The following ESR1 variants were observed in gnomAD, a reference collection of about 807,000 sequenced individuals.
The protein encoded by ESR1 is estrogen receptor.
ESR1 carries 12 observed loss-of-function variants against 52.7 expected under a neutral mutation model. That is an observed-to-expected ratio of 0.23 (90% CI 0.15 to 0.37). The LOEUF (loss-of-function observed/expected upper bound fraction) is 0.37. Among genes scored for constraint, ESR1 ranks in the 10% least tolerant of loss-of-function variants. The pLI is 1.00. For synonymous variants in ESR1, 305 were observed against 316.8 expected (o/e 0.96, Z 0.39); for missense variants, 584 against 779.7 (o/e 0.75, Z 2.99).
At chr6:151,905,677 G>A (rs9340876) in intron 3 of ESR1, among the ~76,000 whole-genome samples, 7 of 152,094 alleles carry the variant, frequency 4.6e-5, no homozygotes, top group African/African-American at 1.4e-4. Context: ...ATGTTCAGCT[G>A]CTCTTAGAGT....
chr6:151,962,469 G>A (rs1239270784), intron 4 of ESR1, among the ~76,000 whole-genome samples: 1 of 152,130 alleles, frequency 6.6e-6, no homozygotes, highest in Non-Finnish European at 1.5e-5. Flanking sequence ...CGGATGTAGT[G>A]TTGGGCCCCT....
chr6:152,056,291 G>A (rs945845517), intron 5 of ESR1, among the ~76,000 whole-genome samples: 2 of 152,082 alleles, frequency 1.3e-5, no homozygotes, highest in Non-Finnish European at 2.9e-5. Flanking sequence ...ATCTAATCTT[G>A]CCACTATTGA....
intron 1 of ESR1, among the ~76,000 whole-genome samples, chr6:151,816,344 G>A (rs1406188603): frequency 1.3e-5 from 2 of 152,136 alleles, no homozygotes; most frequent in Non-Finnish European, 2.9e-5. Context: ...TTCTATTCTG[G>A]CGTGACTCCT....
At chr6:151,902,098 A>G (rs946005763) in intron 3 of ESR1, among the ~76,000 whole-genome samples, 1 of 152,214 alleles carries the variant, frequency 6.6e-6, no homozygotes, top group African/African-American at 2.4e-5. Flanking sequence ...ACCTTTACTG[A>G]GCATTTACTA....
chr6:151,788,081 A>G (rs1408465209), intron 2 of ESR1, among the ~76,000 whole-genome samples: 1 of 152,226 alleles, frequency 6.6e-6, no homozygotes, highest in African/African-American at 2.4e-5. Context: ...TGACAAAAGC[A>G]ATTGCAACAA....
At chr6:151,683,864 A>ATTTTT (rs66983259) in intron 1 of ESR1, among the ~76,000 whole-genome samples, 14 of 118,436 alleles carry the variant, frequency 1.2e-4, no homozygotes, top group African/African-American at 3.9e-4. Flanking sequence ...ACGTCTGGCT[A>ATTTTT]TTTTTTTTTT....
chr6:151,863,524 C>G (rs192565204), intron 2 of ESR1, among the ~76,000 whole-genome samples: 13 of 152,278 alleles, frequency 8.5e-5, no homozygotes, highest in South Asian at 8.3e-4. Flanking sequence ...AGTTGCTTAT[C>G]AGCTTAAGGA....
At chr6:151,661,408 G>A (rs570476972) in intron 1 of ESR1, among the ~76,000 whole-genome samples, 2 of 152,328 alleles carry the variant, frequency 1.3e-5, no homozygotes, top group Middle Eastern at 3.4e-3. Context: ...CTCCTGGTGA[G>A]GGGTGGCTTC....
At chr6:151,978,519 C>T (rs1370286958) in intron 4 of ESR1, among the ~76,000 whole-genome samples, 1 of 152,064 alleles carries the variant, frequency 6.6e-6, no homozygotes, top group Non-Finnish European at 1.5e-5. Context: ...GATTCAGAAA[C>T]CTACAATTTG....
chr6:152,043,470 G>C (rs1450499491), intron 5 of ESR1, among the ~76,000 whole-genome samples: 1 of 152,160 alleles, frequency 6.6e-6, no homozygotes, highest in African/African-American at 2.4e-5. Context: ...GCACCTCCTT[G>C]TGGGTCACAT....
At chr6:151,656,675 C>A (rs1301606345), upstream of ESR1, 1 of 152,170 alleles carries the variant, frequency 6.6e-6, no homozygotes, top group Non-Finnish European at 1.5e-5. Context: ...TCCAAGCAGT[C>A]AGAGAAATAA....
intron 3 of ESR1, among the ~76,000 whole-genome samples, chr6:151,890,536 T>C (rs1011402777): frequency 3.1e-4 from 47 of 152,240 alleles, no homozygotes; most frequent in African/African-American, 1.1e-3. Context: ...TGAACTTTCA[T>C]TATTGATTTT....
intron 4 of ESR1, 102 bp downstream of exon 4, chr6:151,944,610 A>G: frequency 9.6e-7 from 1 of 1,046,634 alleles, no homozygotes; most frequent in Non-Finnish European, 1.5e-6. Flanking sequence ...ATAACATGTT[A>G]TGTAATTGGT....
At chr6:152,125,053 C>T (rs2052880659) in intron 6 of ESR1, among the ~76,000 whole-genome samples, 1 of 152,194 alleles carries the variant, frequency 6.6e-6, no homozygotes, top group African/African-American at 2.4e-5. Flanking sequence ...CAGCCAGTGG[C>T]AGAAGATTTC....
intron 2 of ESR1, among the ~76,000 whole-genome samples, chr6:151,728,019 G>A (rs563707269): frequency 1.3e-5 from 2 of 152,268 alleles, no homozygotes; most frequent in East Asian, 3.9e-4. Context: ...GCAGGGGAAG[G>A]CCAAGCACCT....
In ESR1 at chr6:151,877,258, G is replaced by A. The variant is rs144534124; in HGVS notation, c.644-3397G>A. Among the ~76,000 whole-genome samples, 39 of 152,016 alleles carry A rather than the reference G, an allele frequency of 2.6e-4. 1 individual carries two copies. Among genetic ancestry groups the A allele is most frequent in the African/African-American group, 8.9e-4 (37 of 41,478 alleles). On this transcript the variant is annotated intron_variant, in intron 2 of 7. Transcript: ENST00000206249. The stretch of plus-strand genomic sequence containing the variant: ...GTATATCTCCCGATGCTATCTTAAT[G>A]CAACTTAAATCAATTGCTTTAATAA...
At chr6:152,019,380 A>G (rs1246775638) in intron 5 of ESR1, among the ~76,000 whole-genome samples, 1 of 152,084 alleles carries the variant, frequency 6.6e-6, no homozygotes, top group Non-Finnish European at 1.5e-5. Flanking sequence ...GAATAAAGCT[A>G]AAAAAAATCA....
intron 2 of ESR1, among the ~76,000 whole-genome samples, chr6:151,747,748 C>T (rs977532): frequency 0.58 from 88,335 of 151,524 alleles, 26,378 homozygotes; most frequent in African/African-American, 0.66. Context: ...CGGTCTTTTG[C>T]GTCTGGCTTA....
chr6:151,950,208 C>T (rs2036179412), intron 4 of ESR1, among the ~76,000 whole-genome samples: 1 of 152,146 alleles, frequency 6.6e-6, no homozygotes, highest in Non-Finnish European at 1.5e-5. Context: ...TGTAAATTGC[C>T]TACTCTGGGA....
Sources: gnomAD v4.1 joint callset for allele counts (sites outside exome capture counted in the v4.1 genomes callset) on GRCh38, gnomAD v4.1.1 for gene constraint, MANE v1.5 for transcripts, NCBI Gene and HGNC (gene_info 2026-07-23, HGNC 2026-07-21) for gene names.